Variants in CDK11B observed in about 807,000 individuals in gnomAD.
CDK11B encodes cyclin-dependent kinase 11B.
CDK11B carries 37 observed loss-of-function variants against 84.0 expected under a neutral mutation model. The observed-to-expected ratio is 0.44, with a 90% CI of 0.34 to 0.58. The LOEUF is 0.58. CDK11B is among the 20% of genes least tolerant of loss of function. The pLI is 0.02. For missense variants in CDK11B, 427 were observed against 834.0 expected, an observed-to-expected ratio of 0.51 and a Z score of 6.01; for synonymous variants, 269 against 309.8, an observed-to-expected ratio of 0.87 and a Z score of 1.38.
intron 9 of CDK11B, among the ~76,000 whole-genome samples, 178 bp from the exon 10 acceptor site, chr1:1,641,291 C>A: frequency 6.8e-6 from 1 of 146,964 alleles, no homozygotes. Context: ...GGTGGATCAC[C>A]TGAGGTCAGG....
chr1:1,657,993 C>G (rs1385514868), intron 1 of CDK11B, among the ~76,000 whole-genome samples: 1 of 148,462 alleles, frequency 6.7e-6, no homozygotes, highest in Non-Finnish European at 1.5e-5. Flanking sequence ...GCCAACACGG[C>G]GAAAACCCTG....
Position 1,652,439 on chromosome 1 carries a change from C to G in CDK11B, c.355G>C (p.Gly119Arg). Residue 119 changes from glycine to arginine, a missense_variant and splice_region_variant, in exon 4 of 20, where the codon GGG (glycine) becomes CGG (arginine). Gly to Arg is a moderately radical substitution (Grantham distance 125). This residue lies in a region of CDK11B where 71 missense variants were observed against 66.2 expected (regional missense o/e 1.07). Transcript: ENST00000341832. ...RRHRSHSAEG[G>R]KHARVKEKER... is the part of the protein sequence containing the mutation. ...TCAAAGAAAGTAAATGCTTCTGTAC[C>G]CCCTTCTGCTGAATGGCTACGATGC... The G allele has an allele frequency of 6.7e-7, 1 of 1,495,174 alleles. No individual in the cohort carries two copies. The highest frequency in any genetic ancestry group is 8.8e-7 in the Non-Finnish European group (1 of 1,131,288). 92.6% of individuals were successfully genotyped at this position (1,495,174 alleles called of 1,614,324 possible).
chr1:1,637,786 C>T lies in CDK11B; in HGVS notation c.1440G>A (p.Gln480=). The T allele has an allele frequency of 6.2e-7, 1 of 1,613,788 alleles. No homozygotes were observed. Among genetic ancestry groups the T allele is most frequent in the Non-Finnish European group, 8.5e-7 (1 of 1,179,712 alleles). The change falls in exon 13 of 20, where the codon CAG becomes CAA. Residue 480 remains glutamine (Q), a synonymous_variant. Coordinates refer to ENST00000341832, the MANE Select transcript of CDK11B (RefSeq NM_033486.3). ...CTCTAACGGTGACGATGTTGGGATGCTGGGCCTTGAGGATGGTGTTGATCT... is the reference window on the plus strand; with the variant it reads ...CTCTAACGGTGACGATGTTGGGATGTTGGGCCTTGAGGATGGTGTTGATCT... ...LREINTILKA[Q]HPNIVTVREI...
At chr1:1,646,729 G>C (rs772152810) in intron 5 of CDK11B, 2 of 520,032 alleles carry the variant, frequency 3.8e-6, no homozygotes, top group Admixed American at 1.9e-5. Context: ...ACCAGTCTCT[G>C]CTTCTCAGGG....
chr1:1,650,350 T>G (rs1641812162), intron 4 of CDK11B, among the ~76,000 whole-genome samples: 1 of 145,336 alleles, frequency 6.9e-6, no homozygotes, highest in Non-Finnish European at 1.5e-5. Flanking sequence ...CGTTAAGTAA[T>G]CCTAATTTTT....
intron 4 of CDK11B, among the ~76,000 whole-genome samples, chr1:1,651,773 G>C (rs1477600786): frequency 1.7e-4 from 25 of 151,128 alleles, no homozygotes; most frequent in African/African-American, 5.9e-4. Flanking sequence ...TGAATGGTCT[G>C]TAACACACGC....
rs189645443 is a variant in CDK11B, at chr1:1,648,987, G to A, written c.494+512C>T. Among the ~76,000 whole-genome samples, 7 of 152,124 alleles carry A rather than the reference G, an allele frequency of 4.6e-5. No homozygotes were observed. The South Asian group carries it at 6.2e-4, about 14-fold the overall frequency. Reference sequence around the variant, plus strand: ...GTCTTCCCTCAATCAAATCACACCCGTTCTTACTTCCAGATGCAGTGAAAA... The same window carrying A: ...GTCTTCCCTCAATCAAATCACACCCATTCTTACTTCCAGATGCAGTGAAAA... On this transcript the variant is annotated intron_variant, in intron 5 of 19. Transcript: ENST00000341832.
intron 11 of CDK11B, among the ~76,000 whole-genome samples, chr1:1,639,584 T>C (rs530070500): frequency 2.4e-4 from 36 of 151,496 alleles, no homozygotes; most frequent in East Asian, 2.3e-3. Flanking sequence ...CCGGATGTCA[T>C]GTACTCGGGG....
rs1212256890 is a variant in CDK11B at position 1,650,268 on chromosome 1, C to CAAAAAA, written c.356-637_356-632dup. ...CTGGGTGACAAGCAAGACTCCGTCCCAAAAAAAAAAAAAAAAGAAATTAAA... is the reference window on the plus strand; with the variant it reads ...CTGGGTGACAAGCAAGACTCCGTCCCAAAAAAAAAAAAAAAAAAAAAAGAAATTAAA... On this transcript the variant is annotated intron_variant, in intron 4 of 19. Transcript: ENST00000341832. 1.4e-3 allele frequency among the ~76,000 whole-genome samples: 62 copies of CAAAAAA among 45,788 alleles called. 3 individuals are homozygous for CAAAAAA. The East Asian group carries it at 0.035, about 26-fold the overall frequency. The allele number at this position is 45,788 out of a possible 152,430, so 30.0% of individuals were successfully genotyped here.
intron 5 of CDK11B, among the ~76,000 whole-genome samples, chr1:1,648,937 C>G (rs1195265736): frequency 6.6e-6 from 1 of 151,870 alleles, no homozygotes; most frequent in African/African-American, 2.4e-5. Flanking sequence ...CCCGGCCGGA[C>G]ATGCAGATTT....
At position 1,636,993 on chromosome 1, in the gene CDK11B, G is replaced by A. The variant is rs375742587; in HGVS notation, c.1704C>T (p.Phe568=). Residue 568 remains phenylalanine (F), a synonymous_variant, in exon 16 of 20, where the codon TTC becomes TTT. Transcript: ENST00000341832. Reference sequence around the variant, plus strand: ...GGGATCCGTACTCCCGCGCCAGCCCGAAGTCACCCACCTGCAACGACAGAT... The same window carrying A: ...GGGATCCGTACTCCCGCGCCAGCCCAAAGTCACCCACCTGCAACGACAGAT... ...SHAGILKVGD[F]GLAREYGSPL... 2,760 of 1,612,050 alleles carry A rather than the reference G, an allele frequency of 1.7e-3. 22 individuals are homozygous for A. Among genetic ancestry groups the A allele is most frequent in the South Asian group, 0.012 (1,054 of 90,928 alleles).
Position 1,636,776 on chromosome 1 carries a change from A to C in CDK11B, c.1823T>G (p.Met608Arg). 1 of 1,613,838 alleles carries C rather than the reference A, an allele frequency of 6.2e-7. No homozygotes were observed. The change falls in exon 17 of 20, where the codon ATG becomes AGG. Residue 608 changes from methionine to arginine, a missense_variant. By Grantham distance (91) the Met-to-Arg change is moderately conservative (BLOSUM62 -1). Transcript: ENST00000341832. ...CCCGAAGATGCAACCCACTGACCACATGTCCACGGCCGTGGAGTATTCCTA... is the reference window on the plus strand; with the variant it reads ...CCCGAAGATGCAACCCACTGACCACCTGTCCACGGCCGTGGAGTATTCCTA... Reference protein sequence around the residue: ...GAKEYSTAVDMWSVGCIFGEL... With the variant: ...GAKEYSTAVDRWSVGCIFGEL...
At chr1:1,647,717 G>C (rs1318945813) in intron 5 of CDK11B, among the ~76,000 whole-genome samples, 1 of 152,216 alleles carries the variant, frequency 6.6e-6, no homozygotes, top group Non-Finnish European at 1.5e-5. Context: ...TCTGCTGCAC[G>C]TCTTTGGCGA....
At position 1,655,337 on chromosome 1, in the gene CDK11B, G is replaced by A. The variant is rs1471860771; in HGVS notation, c.227+32C>T. ...ACCGGCCAGGCCAGGGCTGTGTACA[G>A]CTGGGTCTTGCACATCTGTACATCC... On this transcript the variant is annotated intron_variant, in intron 3 of 19. Transcript: ENST00000341832. 1.9e-5 allele frequency: 31 copies of A among 1,609,910 alleles called. 1 individual carries two copies. In the East Asian group the frequency reaches 6.2e-4, roughly 32 times the overall value.
chr1:1,636,787 C>T lies in CDK11B; in HGVS notation c.1812G>A (p.Thr604=), dbSNP rs1198340539. The change falls in exon 17 of 20, where the codon ACG becomes ACA. Residue 604 remains threonine, a synonymous_variant. Transcript: ENST00000341832. ...ELLLGAKEYS[T]AVDMWSVGCI... The stretch of plus-strand genomic sequence containing the variant: ...AACCCACTGACCACATGTCCACGGC[C>T]GTGGAGTATTCCTAAGAGGTCAGGA... 2.4e-5 allele frequency: 38 copies of T among 1,613,874 alleles called. No individual in the cohort carries two copies. The highest frequency in any genetic ancestry group is 1.6e-4 in the Middle Eastern group (1 of 6,062).
At chr1:1,658,236 T>G (rs1643055771) in intron 1 of CDK11B, among the ~76,000 whole-genome samples, 1 of 149,560 alleles carries the variant, frequency 6.7e-6, no homozygotes, top group Non-Finnish European at 1.5e-5. Context: ...TCCCATATAC[T>G]CTGCAAGCTG....
intron 5 of CDK11B, among the ~76,000 whole-genome samples, chr1:1,647,479 C>T (rs1341530985): frequency 2.6e-5 from 4 of 152,222 alleles, no homozygotes; most frequent in South Asian, 2.1e-4. Flanking sequence ...GGGTCACCAC[C>T]ATGGCTGCAC....
rs377732366 is a variant in CDK11B at position 1,640,431 on chromosome 1, C to T, written c.1097G>A (p.Arg366Gln). 29 of 1,613,620 alleles carry T rather than the reference C, an allele frequency of 1.8e-5. No individual in the cohort carries two copies. The highest frequency in any genetic ancestry group is 2.2e-5 in the East Asian group (1 of 44,878). ...TGCTTCTTCACTCTCCCCGGAATCT[C>T]GGTCGAACCGTGACTCTGGAACTGG... is the stretch of plus-strand genomic sequence containing the variant. ...LLVVPESRFD[R>Q]DSGESEEAEE... The change falls in exon 11 of 20, where the codon CGA becomes CAA. Residue 366 changes from arginine to glutamine, a missense_variant. Physicochemically the swap from Arg to Gln is conservative, Grantham distance 43. This residue lies in a region of CDK11B where 8 missense variants were observed against 41.3 expected (regional missense o/e 0.19). Coordinates refer to ENST00000341832, the MANE Select transcript of CDK11B (RefSeq NM_033486.3).
chr1:1,651,632 G>C (rs1291131104), intron 4 of CDK11B, among the ~76,000 whole-genome samples: 7 of 149,924 alleles, frequency 4.7e-5, no homozygotes, highest in Non-Finnish European at 1.0e-4. Context: ...GCTAGAGTTT[G>C]CTCTGTATAG....
Sources: gnomAD v4.1 joint callset for allele counts (sites outside exome capture counted in the v4.1 genomes callset) on GRCh38, gnomAD v4.1.1 for gene constraint, gnomAD v4.1.1 regional missense constraint, MANE v1.5 for transcripts, NCBI Gene and HGNC (gene_info 2026-07-23, HGNC 2026-07-21) for gene names.